Variants in IGSF21 observed in about 807,000 individuals in gnomAD.
IGSF21 encodes the protein immunoglobin superfamily member 21, also known as immunoglobulin superfamily member 21.
In IGSF21, 28 loss-of-function variants were observed where a neutral mutation model predicts 46.8. That is an observed-to-expected ratio of 0.60 (90% confidence interval 0.44 to 0.82). The LOEUF (loss-of-function observed/expected upper bound fraction) is 0.82, where lower values mean the gene tolerates loss of function less well. Among genes scored for constraint, IGSF21 ranks in the 40% least tolerant of loss-of-function variants. The pLI is 0.00. For synonymous variants in IGSF21, 284 were observed against 273.6 expected, an observed-to-expected ratio of 1.04 and a Z score of -0.38; for missense variants, 624 against 665.5, an observed-to-expected ratio of 0.94 and a Z score of 0.69.
At chr1:18,203,727 G>A (rs1219918534) in intron 1 of IGSF21, among the ~76,000 whole-genome samples, 4 of 152,226 alleles carry the variant, frequency 2.6e-5, no homozygotes, top group Admixed American at 1.3e-4. Context: ...AACAGGTGGG[G>A]TGGGGGCGAG....
chr1:18,311,835 T>C (rs1394003653), intron 3 of IGSF21, among the ~76,000 whole-genome samples: 6 of 152,122 alleles, frequency 3.9e-5, no homozygotes, highest in Non-Finnish European at 8.8e-5. Flanking sequence ...GTGGGGGGAA[T>C]AGCCCCCATG....
At chr1:18,174,929 T>TG (rs1390311402) in intron 1 of IGSF21, among the ~76,000 whole-genome samples, 1 of 152,252 alleles carries the variant, frequency 6.6e-6, no homozygotes, top group Non-Finnish European at 1.5e-5. Flanking sequence ...TGGAGGTCTC[T>TG]GGGGCCCTGG....
chr1:18,262,226 A>C (rs1286042023), intron 2 of IGSF21, among the ~76,000 whole-genome samples: 1 of 152,160 alleles, frequency 6.6e-6, no homozygotes, highest in Non-Finnish European at 1.5e-5. Context: ...TGGAGTATTT[A>C]TCCACCCACT....
At chr1:18,177,798 C>T (rs1258888267) in intron 1 of IGSF21, among the ~76,000 whole-genome samples, 3 of 152,044 alleles carry the variant, frequency 2.0e-5, no homozygotes, top group East Asian at 1.9e-4. Flanking sequence ...AAGTCATATT[C>T]GGTATGCCCG....
At chr1:18,305,895 GA>G in intron 3 of IGSF21, among the ~76,000 whole-genome samples, 1 of 152,300 alleles carries the variant, frequency 6.6e-6, no homozygotes, top group African/African-American at 2.4e-5. Flanking sequence ...TAACTTGCTT[GA>G]GGTCACATAT....
intron 4 of IGSF21, among the ~76,000 whole-genome samples, chr1:18,350,403 C>G (rs1324943329): frequency 6.6e-6 from 1 of 152,200 alleles, no homozygotes; most frequent in Non-Finnish European, 1.5e-5. Flanking sequence ...GACACCCTCA[C>G]TCTCAATCAA....
intron 1 of IGSF21, among the ~76,000 whole-genome samples, chr1:18,199,483 C>T (rs981369331): frequency 6.6e-6 from 1 of 152,162 alleles, no homozygotes; most frequent in Non-Finnish European, 1.5e-5. Flanking sequence ...TCCTGGGCAC[C>T]GGCTCTTGAA....
rs1248668977 is a variant in IGSF21 at position 18,296,127 on chromosome 1, A to AC, written c.305+4146dup. ...AACTCTCTCCCGGAGTTTCTCAGTG[A>AC]CCCCCCAGAATAACCTTGAGAAGGC... is the stretch of plus-strand genomic sequence containing the variant. On this transcript the variant is annotated intron_variant, in intron 3 of 9. Transcript: ENST00000251296. Among the ~76,000 whole-genome samples the AC allele has an allele frequency of 9.2e-5, 14 of 151,988 alleles. No individual in the cohort carries two copies. The South Asian group carries it at 1.0e-3, about 11-fold the overall frequency.
At position 18,334,449 on chromosome 1, in the gene IGSF21, G is replaced by A. The variant is rs1276638761; in HGVS notation, c.306-443G>A. ...CCTGAGCCTCAGTTTCCTTGTTTATGAAATGGGAATATGGACCCTATGTGG... is the reference window on the plus strand; with the variant it reads ...CCTGAGCCTCAGTTTCCTTGTTTATAAAATGGGAATATGGACCCTATGTGG... On this transcript the variant is annotated intron_variant, in intron 3 of 9. Coordinates refer to ENST00000251296, the MANE Select transcript of IGSF21 (RefSeq NM_032880.5). The surrounding 1 kb of genome is among the most constrained non-coding windows in gnomAD (Gnocchi z 4.3). Among the ~76,000 whole-genome samples the A allele has an allele frequency of 6.6e-6, 1 of 152,170 alleles. No homozygotes were observed. The highest frequency in any genetic ancestry group is 1.5e-5 in the Non-Finnish European group (1 of 68,032).
At chr1:18,159,562 C>T (rs1417495812) in intron 1 of IGSF21, among the ~76,000 whole-genome samples, 1 of 152,176 alleles carries the variant, frequency 6.6e-6, no homozygotes, top group Non-Finnish European at 1.5e-5. Flanking sequence ...TTCTTGTTCT[C>T]TCTCTTGCCT....
chr1:18,281,094 G>A (rs2085154543), intron 2 of IGSF21, among the ~76,000 whole-genome samples: 1 of 152,146 alleles, frequency 6.6e-6, no homozygotes, highest in Non-Finnish European at 1.5e-5. Context: ...TGGCCTGCAG[G>A]AGGTGTTTAT....
rs1481628684 is a variant in IGSF21, at chr1:18,254,886, CCA to C, written c.183+26877_183+26878del. ...TCCATCCATCCATCCATCCATCCATCCATCCCTCCATTCATCCAGCACTTATT... is the reference window on the plus strand; with the variant it reads ...TCCATCCATCCATCCATCCATCCATCTCCCTCCATTCATCCAGCACTTATT... On this transcript the variant is annotated intron_variant, in intron 2 of 9. Coordinates refer to ENST00000251296, the MANE Select transcript of IGSF21 (RefSeq NM_032880.5). Among the ~76,000 whole-genome samples, 733 of 152,274 alleles carry C rather than the reference CCA, an allele frequency of 4.8e-3. 11 individuals carry two copies. Among genetic ancestry groups the C allele is most frequent in the African/African-American group, 0.017 (695 of 41,548 alleles).
At chr1:18,149,689 C>T (rs2124432806) in intron 1 of IGSF21, among the ~76,000 whole-genome samples, 1 of 152,048 alleles carries the variant, frequency 6.6e-6, no homozygotes, top group East Asian at 2.0e-4. Context: ...TTTTCTGAGG[C>T]TTCCTTCGGG....
chr1:18,371,138 C>G (rs1480378392), intron 6 of IGSF21, among the ~76,000 whole-genome samples: 4 of 152,138 alleles, frequency 2.6e-5, no homozygotes, highest in African/African-American at 7.2e-5. Flanking sequence ...GCAAAAACAA[C>G]AGAACTGTAA....
chr1:18,347,381 G>C lies in IGSF21; in HGVS notation c.424+12371G>C, dbSNP rs72652213. 8.3e-3 allele frequency among the ~76,000 whole-genome samples: 1,263 copies of C among 152,298 alleles called. 12 individuals carry two copies. Among genetic ancestry groups the C allele is most frequent in the Middle Eastern group, 0.017 (5 of 294 alleles). The stretch of plus-strand genomic sequence containing the variant: ...TGAGTGGCGCTGAGATTGGAGCTCA[G>C]GTCTTCTGGGACCAGAGCCCTTGAC... On this transcript the variant is annotated intron_variant, in intron 4 of 9. Coordinates refer to ENST00000251296, the MANE Select transcript of IGSF21 (RefSeq NM_032880.5).
rs1008939660 is a variant in IGSF21 at position 18,334,735 on chromosome 1, C to T, written c.306-157C>T. ...GCCGAGCACAGGGTCTGCATACAGT[C>T]GGTGTTCCATAAATGCTCCCCTCCT... On this transcript the variant is annotated intron_variant, in intron 3 of 9. Transcript: ENST00000251296. This position sits in a 1 kb window ranked among gnomAD's most constrained non-coding sequence, Gnocchi z 4.3. 6.6e-6 allele frequency among the ~76,000 whole-genome samples: 1 copy of T among 152,170 alleles called. No homozygotes were observed. Among genetic ancestry groups the T allele is most frequent in the African/African-American group, 2.4e-5 (1 of 41,442 alleles).
intron 3 of IGSF21, among the ~76,000 whole-genome samples, chr1:18,319,840 T>C (rs1287993212): frequency 8.5e-5 from 13 of 152,176 alleles, no homozygotes; most frequent in Admixed American, 8.5e-4. Flanking sequence ...TCTTTCTTTT[T>C]CTAAATACAC....
intron 2 of IGSF21, among the ~76,000 whole-genome samples, chr1:18,241,573 G>A (rs192868857): frequency 6.6e-6 from 1 of 152,320 alleles, no homozygotes; most frequent in East Asian, 1.9e-4. Flanking sequence ...TACCCTGTTA[G>A]GGGTTGGAGG....
At chr1:18,348,414 C>T (rs1412437544) in intron 4 of IGSF21, among the ~76,000 whole-genome samples, 1 of 152,200 alleles carries the variant, frequency 6.6e-6, no homozygotes, top group Non-Finnish European at 1.5e-5. Flanking sequence ...CCTCCCAGGC[C>T]CCGCCAGAGC....
Sources: gnomAD v4.1 joint callset for allele counts (sites outside exome capture counted in the v4.1 genomes callset) on GRCh38, gnomAD v4.1.1 for gene constraint, Gnocchi (gnomAD v3.1) non-coding constraint, MANE v1.5 for transcripts, NCBI Gene and HGNC (gene_info 2026-07-23, HGNC 2026-07-21) for gene names.